CNTNAP2: variants seen among roughly 807,000 people sequenced by gnomAD.
The protein encoded by CNTNAP2 is contactin associated protein 2, also known as contactin-associated protein-like 2.
In CNTNAP2, 98 loss-of-function variants were observed where a neutral mutation model predicts 155.2. That is an observed-to-expected ratio of 0.63 (90% CI 0.54 to 0.75). The LOEUF (loss-of-function observed/expected upper bound fraction) is 0.75. CNTNAP2 is among the 30% of genes least tolerant of loss of function. The pLI is 0.00. For missense variants in CNTNAP2, 1,727 were observed against 1,688.1 expected (o/e 1.02, Z -0.40); for synonymous variants, 651 against 631.2 (o/e 1.03, Z -0.47).
At chr7:146,771,545 C>T (rs1432914686) in intron 1 of CNTNAP2, among the ~76,000 whole-genome samples, 2 of 152,124 alleles carry the variant, frequency 1.3e-5, no homozygotes, top group Non-Finnish European at 2.9e-5. Flanking sequence ...TGAATTGATA[C>T]TTTTAAAACA....
intron 1 of CNTNAP2, among the ~76,000 whole-genome samples, chr7:146,168,020 G>A (rs544698674): frequency 6.6e-6 from 1 of 152,054 alleles, no homozygotes; most frequent in East Asian, 1.9e-4. Context: ...GAAGAATGCA[G>A]TATGGGGAGA....
chr7:148,338,027 C>G (rs1010092065), intron 21 of CNTNAP2, among the ~76,000 whole-genome samples: 12 of 152,194 alleles, frequency 7.9e-5, no homozygotes, highest in Non-Finnish European at 1.8e-4. Flanking sequence ...GTAGCCACCA[C>G]CATAATCAAC....
chr7:148,214,781 G>A (rs769760535), intron 18 of CNTNAP2, among the ~76,000 whole-genome samples: 2 of 152,166 alleles, frequency 1.3e-5, no homozygotes, highest in Non-Finnish European at 1.5e-5. Flanking sequence ...GTGTTGGCCA[G>A]AATGGTCTCA....
intron 1 of CNTNAP2, among the ~76,000 whole-genome samples, chr7:146,159,426 A>G (rs1486395526): frequency 6.6e-6 from 1 of 152,240 alleles, no homozygotes; most frequent in Admixed American, 6.5e-5. Context: ...AAGTGCTCCA[A>G]TTAAAAGACA....
chr7:146,734,926 T>G (rs574433900), intron 1 of CNTNAP2, among the ~76,000 whole-genome samples: 1 of 152,324 alleles, frequency 6.6e-6, no homozygotes, highest in Non-Finnish European at 1.5e-5. Context: ...CAAAATCTAT[T>G]TTTATTTTCT....
At chr7:147,022,552 C>G (rs1798834743) in intron 3 of CNTNAP2, among the ~76,000 whole-genome samples, 1 of 150,606 alleles carries the variant, frequency 6.6e-6, no homozygotes, top group South Asian at 2.1e-4. Flanking sequence ...TGTTTATGTA[C>G]TATACATATA....
chr7:148,299,570 C>G (rs1443119022), intron 21 of CNTNAP2, among the ~76,000 whole-genome samples: 3 of 152,220 alleles, frequency 2.0e-5, no homozygotes, highest in Non-Finnish European at 4.4e-5. Context: ...TTCTGACTAG[C>G]CACTGTAGTG....
chr7:146,750,874 GTAAT>G (rs1801891552), intron 1 of CNTNAP2, among the ~76,000 whole-genome samples: 1 of 152,036 alleles, frequency 6.6e-6, no homozygotes, highest in Non-Finnish European at 1.5e-5. Flanking sequence ...TGTTTATGTA[GTAAT>G]TAATTGCTTA....
intron 8 of CNTNAP2, among the ~76,000 whole-genome samples, chr7:147,192,918 A>T (rs971712096): frequency 1.3e-5 from 2 of 152,146 alleles, no homozygotes; most frequent in Admixed American, 6.5e-5. Context: ...TACTGGTTTT[A>T]CCCCAGACTA....
intron 2 of CNTNAP2, among the ~76,000 whole-genome samples, chr7:146,787,418 C>T (rs1450069791): frequency 1.3e-5 from 2 of 151,968 alleles, no homozygotes; most frequent in African/African-American, 2.4e-5. Flanking sequence ...CTGGCGGGTT[C>T]GTGGTCTCGC....
chr7:148,077,289 A>G (rs1048566087), intron 15 of CNTNAP2, among the ~76,000 whole-genome samples: 4 of 150,634 alleles, frequency 2.7e-5, no homozygotes, highest in African/African-American at 9.9e-5. Context: ...CCTGGGCAAC[A>G]CAGCAAGACT....
chr7:146,519,362 G>A (rs1216523805), intron 1 of CNTNAP2, among the ~76,000 whole-genome samples: 1 of 151,844 alleles, frequency 6.6e-6, no homozygotes, highest in African/African-American at 2.4e-5. Flanking sequence ...GGAAGGATGG[G>A]TTGGGGAAGT....
intron 8 of CNTNAP2, among the ~76,000 whole-genome samples, chr7:147,296,136 T>A (rs1805437852): frequency 6.6e-6 from 1 of 152,196 alleles, no homozygotes; most frequent in Admixed American, 6.5e-5. Flanking sequence ...TCTGGACATG[T>A]GATTATTTAG....
At chr7:148,385,674 CTG>C (rs1799175016) in intron 22 of CNTNAP2, among the ~76,000 whole-genome samples, 1 of 150,734 alleles carries the variant, frequency 6.6e-6, no homozygotes, top group Non-Finnish European at 1.5e-5. Context: ...TGAGATATGA[CTG>C]TAGGGACCAA....
At chr7:148,284,746 T>C (rs1337795636) in intron 21 of CNTNAP2, among the ~76,000 whole-genome samples, 3 of 152,172 alleles carry the variant, frequency 2.0e-5, no homozygotes, top group Non-Finnish European at 4.4e-5. Context: ...AGACCCTTTA[T>C]GTAATCTTGC....
intron 8 of CNTNAP2, among the ~76,000 whole-genome samples, chr7:147,139,968 T>C (rs1473167544): frequency 6.6e-6 from 1 of 152,122 alleles, no homozygotes; most frequent in African/African-American, 2.4e-5. Flanking sequence ...ACTTATTTTA[T>C]TCTGATATAT....
At chr7:146,745,121 A>G (rs1368818576) in intron 1 of CNTNAP2, among the ~76,000 whole-genome samples, 1 of 152,174 alleles carries the variant, frequency 6.6e-6, no homozygotes, top group Non-Finnish European at 1.5e-5. Context: ...GAATCATCCC[A>G]TCATGGTTTT....
chr7:146,134,794 G>C (rs1797772592), intron 1 of CNTNAP2, among the ~76,000 whole-genome samples: 1 of 151,474 alleles, frequency 6.6e-6, no homozygotes, highest in Non-Finnish European at 1.5e-5. Context: ...TTTTTGATGT[G>C]CTGCTGGATT....
At chr7:147,557,451 TTGA>T (rs1799973451) in intron 11 of CNTNAP2, among the ~76,000 whole-genome samples, 1 of 151,662 alleles carries the variant, frequency 6.6e-6, no homozygotes, top group Non-Finnish European at 1.5e-5. Flanking sequence ...ATCAATAGAC[TTGA>T]TGAGTCTATT....
Sources: allele counts gnomAD v4.1 joint callset (sites outside exome capture counted in the v4.1 genomes callset), GRCh38; gene constraint gnomAD v4.1.1; transcripts MANE v1.5; gene names NCBI Gene and HGNC (gene_info 2026-07-23, HGNC 2026-07-21).